GRID1: variants seen among roughly 807,000 people sequenced by gnomAD.
GRID1 encodes the protein glutamate ionotropic receptor delta type subunit 1.
A neutral mutation model predicts 98.0 loss-of-function variants in GRID1; 28 were observed. The ratio of observed to expected loss-of-function variants is 0.29; its 90% CI spans 0.21 to 0.39. The LOEUF (loss-of-function observed/expected upper bound fraction) is 0.39. GRID1 is among the 10% of genes least tolerant of loss of function. The pLI is 1.00. For missense variants in GRID1, 1,111 were observed against 1,340.5 expected, an observed-to-expected ratio of 0.83 and a Z score of 2.67; for synonymous variants, 553 against 538.5, an observed-to-expected ratio of 1.03 and a Z score of -0.37.
intron 2 of GRID1, among the ~76,000 whole-genome samples, chr10:86,278,315 T>G (rs1564726970): frequency 6.6e-6 from 1 of 152,164 alleles, no homozygotes. Flanking sequence ...AAAGTTTCAT[T>G]GTACATAAAT....
intron 4 of GRID1, among the ~76,000 whole-genome samples, chr10:85,920,209 G>A (rs190997109): frequency 2.0e-5 from 3 of 151,982 alleles, no homozygotes; most frequent in African/African-American, 7.2e-5. Flanking sequence ...ATAAATCATT[G>A]TCACACACAA....
At chr10:86,199,420 C>T (rs1269265720) in intron 3 of GRID1, among the ~76,000 whole-genome samples, 1 of 152,124 alleles carries the variant, frequency 6.6e-6, no homozygotes, top group Non-Finnish European at 1.5e-5. Flanking sequence ...CACAATAAAT[C>T]TTTGTACATC....
chr10:85,684,897 C>G (rs541401569), intron 12 of GRID1, among the ~76,000 whole-genome samples: 3 of 152,288 alleles, frequency 2.0e-5, no homozygotes, highest in African/African-American at 7.2e-5. Flanking sequence ...TCTCTTCTTA[C>G]AAGGCCACAG....
intron 4 of GRID1, among the ~76,000 whole-genome samples, chr10:86,028,534 A>G (rs1345317106): frequency 6.6e-6 from 1 of 152,194 alleles, no homozygotes; most frequent in Non-Finnish European, 1.5e-5. Flanking sequence ...CTATCTTTAG[A>G]TATTGGAATC....
intron 3 of GRID1, among the ~76,000 whole-genome samples, chr10:86,139,320 A>G (rs1170695796): frequency 6.6e-6 from 1 of 151,960 alleles, no homozygotes; most frequent in Admixed American, 6.5e-5. Context: ...CTTTCCCTAT[A>G]TGGGCCCAAT....
chr10:85,733,628 C>A (rs73328650), intron 8 of GRID1, among the ~76,000 whole-genome samples: 2,840 of 152,308 alleles, frequency 0.019, 75 homozygotes, highest in African/African-American at 0.065. Context: ...CTGTGCCCAG[C>A]TGATTCTATT....
intron 8 of GRID1, among the ~76,000 whole-genome samples, chr10:85,851,851 G>C (rs556610466): frequency 2.4e-4 from 36 of 152,030 alleles, no homozygotes; most frequent in African/African-American, 8.4e-4. Context: ...GTTTTGGTGT[G>C]GCTCAGGACC....
intron 14 of GRID1, among the ~76,000 whole-genome samples, chr10:85,619,551 G>T (rs1223000456): frequency 6.6e-6 from 1 of 152,130 alleles, no homozygotes; most frequent in Non-Finnish European, 1.5e-5. Flanking sequence ...TCCTGGGTCT[G>T]GTGAGATGCC....
chr10:85,632,772 GGTTT>G (rs1267166250), intron 13 of GRID1, among the ~76,000 whole-genome samples: 1 of 152,176 alleles, frequency 6.6e-6, no homozygotes, highest in Non-Finnish European at 1.5e-5. Context: ...AAGATGTGCA[GGTTT>G]GTTACATAGG....
At chr10:85,684,964 A>C (rs1841252192) in intron 12 of GRID1, among the ~76,000 whole-genome samples, 1 of 152,142 alleles carries the variant, frequency 6.6e-6, no homozygotes, top group Non-Finnish European at 1.5e-5. Flanking sequence ...TTACTTCCTA[A>C]AGACTCTGTC....
At chr10:85,674,251 C>T (rs1191482108) in intron 12 of GRID1, among the ~76,000 whole-genome samples, 1 of 152,144 alleles carries the variant, frequency 6.6e-6, no homozygotes, top group Non-Finnish European at 1.5e-5. Context: ...TGTTCTCCCC[C>T]TGTGTTCGCC....
chr10:85,606,269 G>A (rs1021931276), intron 15 of GRID1: 1 of 152,112 alleles, frequency 6.6e-6, no homozygotes, highest in Non-Finnish European at 1.5e-5. Context: ...TAAAGTCTCC[G>A]TGTCAAGACA....
intron 12 of GRID1, among the ~76,000 whole-genome samples, chr10:85,719,065 C>T (rs1841671409): frequency 6.6e-6 from 1 of 152,198 alleles, no homozygotes; most frequent in South Asian, 2.1e-4. Context: ...TCACAAATCT[C>T]TAGGGCAGGG....
chr10:85,705,354 C>A (rs1841503209), intron 12 of GRID1, among the ~76,000 whole-genome samples: 1 of 152,096 alleles, frequency 6.6e-6, no homozygotes, highest in South Asian at 2.1e-4. Context: ...ACTAGAAAAT[C>A]TGGAAGAAAT....
chr10:85,936,595 G>A (rs1841930338), intron 4 of GRID1, among the ~76,000 whole-genome samples: 1 of 152,004 alleles, frequency 6.6e-6, no homozygotes, highest in Non-Finnish European at 1.5e-5. Flanking sequence ...AGTAAGCATT[G>A]AGGGTCATGC....
chr10:85,958,620 T>C (rs913328055), intron 4 of GRID1, among the ~76,000 whole-genome samples: 8 of 152,146 alleles, frequency 5.3e-5, no homozygotes, highest in Non-Finnish European at 1.2e-4. Flanking sequence ...CCCACTAATG[T>C]AGGTGGGCTT....
chr10:86,219,236 G>A (rs1174023749), intron 2 of GRID1, among the ~76,000 whole-genome samples: 3 of 152,184 alleles, frequency 2.0e-5, no homozygotes, highest in Non-Finnish European at 4.4e-5. Flanking sequence ...CAAGGGGAAT[G>A]TGCCACCCCT....
chr10:86,149,418 CAT>C (rs1486747971), intron 3 of GRID1, among the ~76,000 whole-genome samples: 2 of 152,214 alleles, frequency 1.3e-5, no homozygotes, highest in Admixed American at 6.5e-5. Flanking sequence ...TGTGTTCACA[CAT>C]GTGCTGTTTC....
chr10:86,224,166 AC>A (rs1419636667), intron 2 of GRID1, among the ~76,000 whole-genome samples: 1 of 135,964 alleles, frequency 7.4e-6, no homozygotes, highest in African/African-American at 2.7e-5. Flanking sequence ...CCAAGCTCCC[AC>A]CCCCGACACT....
Sources: allele counts gnomAD v4.1 joint callset (sites outside exome capture counted in the v4.1 genomes callset), GRCh38; gene constraint gnomAD v4.1.1; transcripts MANE v1.5; gene names NCBI Gene and HGNC (gene_info 2026-07-23, HGNC 2026-07-21).